Variants in NOL6 observed in about 807,000 individuals in gnomAD.
NOL6 encodes nucleolar protein 6.
NOL6 carries 33 observed loss-of-function variants against 131.7 expected under a neutral mutation model. The observed-to-expected ratio is 0.25, with a 90% confidence interval of 0.19 to 0.33. The LOEUF is 0.33. NOL6 is among the 10% of genes least tolerant of loss of function. The pLI is 1.00. For missense variants in NOL6, 1,297 were observed against 1,494.5 expected, an observed-to-expected ratio of 0.87 and a Z score of 2.18; for synonymous variants, 580 against 605.7, an observed-to-expected ratio of 0.96 and a Z score of 0.62.
intron 3 of NOL6, among the ~76,000 whole-genome samples, chr9:33,471,766 A>T (rs964050088): frequency 2.0e-5 from 3 of 152,258 alleles, no homozygotes; most frequent in Non-Finnish European, 2.9e-5. Flanking sequence ...CTATAACCTC[A>T]GCATTACAGC....
intron 23 of NOL6, among the ~76,000 whole-genome samples, 155 bp downstream of exon 23, chr9:33,463,676 G>A (rs564450913): frequency 6.6e-6 from 1 of 152,292 alleles, no homozygotes; most frequent in East Asian, 1.9e-4. Context: ...AGGTTCCCCA[G>A]GCTCTGCCAC....
Position 33,462,414 on chromosome 9 carries a change from G to A in NOL6, c.*250C>T, listed in dbSNP as rs879866903. On this transcript the variant is annotated 3_prime_UTR_variant, in exon 26 of 26. Coordinates refer to ENST00000297990, the MANE Select transcript of NOL6 (RefSeq NM_022917.5). Reference sequence around the variant, plus strand: ...CTCCTGGGTTCAGTTCCTTCTCTGAGCTGGCTCCCACTCCTCTTCTGGGAT... The same window carrying A: ...CTCCTGGGTTCAGTTCCTTCTCTGAACTGGCTCCCACTCCTCTTCTGGGAT... 1.8e-5 allele frequency: 11 copies of A among 615,248 alleles called. No homozygotes were observed. The highest frequency in any genetic ancestry group is 2.7e-5 in the Admixed American group (1 of 37,096). 38.1% of individuals were successfully genotyped at this position (615,248 alleles called of 1,614,324 possible).
Position 33,469,420 on chromosome 9 carries a change from G to A in NOL6, c.727+79C>T, listed in dbSNP as rs143166607. ...CTCCCCATCCTGTCCCCCCATACTT[G>A]AGGCCTCCGTGCCTCTGTGCCTTCT... On this transcript the variant is annotated intron_variant, in intron 5 of 25. Coordinates refer to ENST00000297990, the MANE Select transcript of NOL6 (RefSeq NM_022917.5). 1,683 of 1,606,398 alleles carry A rather than the reference G, an allele frequency of 1.0e-3. 14 individuals are homozygous for A. The African/African-American group carries it at 0.021, about 20-fold the overall frequency.
intron 23 of NOL6, 45 bp from the exon 24 acceptor site, chr9:33,463,486 A>G (rs1827157407): frequency 1.3e-6 from 2 of 1,541,512 alleles, no homozygotes; most frequent in South Asian, 1.2e-5. Flanking sequence ...CCCTTGACTG[A>G]GGAACTGGAC....
chr9:33,463,036 G>A lies in NOL6; in HGVS notation c.3288C>T (p.Phe1096=). The A allele has an allele frequency of 6.2e-7, 1 of 1,612,698 alleles. No individual in the cohort carries two copies. Among genetic ancestry groups the A allele is most frequent in the Non-Finnish European group, 8.5e-7 (1 of 1,179,140 alleles). ...CAGCTGTCACCAGCCAGCACACCTT[G>A]AAGGGCTGCGGCTGGAAGCTGGTGG... ...WKPTSFQPQP[F]KASSTKGRMV... is the part of the protein sequence containing the mutation. Residue 1096 remains phenylalanine, a synonymous_variant, in exon 25 of 26, where the codon TTC becomes TTT. Transcript: ENST00000297990.
In NOL6 at chr9:33,461,942, CAA is replaced by C. The variant is rs1587211306; in HGVS notation, c.*720_*721del. On this transcript the variant is annotated 3_prime_UTR_variant, in exon 26 of 26. Coordinates refer to ENST00000297990, the MANE Select transcript of NOL6 (RefSeq NM_022917.5). The stretch of plus-strand genomic sequence containing the variant: ...AGTGGCAGTTTGTGACATGAACGGG[CAA>C]ACAGCCAGGGCAGATGCAGCTAACG... The C allele has an allele frequency of 7.3e-6, 4 of 546,642 alleles. No individual in the cohort carries two copies. In the East Asian group the frequency reaches 1.2e-4, roughly 16 times the overall value. 33.9% of individuals were successfully genotyped at this position (546,642 alleles called of 1,614,324 possible).
At position 33,462,524 on chromosome 9, in the gene NOL6, T is replaced by G; in HGVS notation, c.*140A>C. 1 of 966,724 alleles carries G rather than the reference T, an allele frequency of 1.0e-6. No homozygotes were observed. Among genetic ancestry groups the G allele is most frequent in the Non-Finnish European group, 1.5e-6 (1 of 650,478 alleles). The allele number at this position is 966,724 out of a possible 1,614,324, so 59.9% of individuals were successfully genotyped here. On this transcript the variant is annotated 3_prime_UTR_variant, in exon 26 of 26. Transcript: ENST00000297990. ...AGAGAAAGTTGGGGCTGGGTTTTGT[T>G]GGAGATGATTCAGCATGTTCAGCCA...
intron 5 of NOL6, 39 bp from the exon 6 acceptor site, chr9:33,469,380 C>G (rs1827345091): frequency 6.2e-7 from 1 of 1,613,242 alleles, no homozygotes. Context: ...TGCAGGAGCC[C>G]TTGGAGCCAG....
rs1413205765 is a variant in NOL6 at position 33,464,974 on chromosome 9, G to A, written c.2684C>T (p.Ser895Phe). ...GAATCGAAGGAAGCCAACCTGGGGG[G>A]AACTAAAGGGCTGGAGTAAGCAAAG... ...LHPEPFTPPSSPQVGFLRFLF... is the reference protein window; with the variant it reads ...LHPEPFTPPSFPQVGFLRFLF... Residue 895 changes from serine (S) to phenylalanine (F), a missense_variant and splice_region_variant, in exon 21 of 26, where the codon TCC becomes TTC. Transcript: ENST00000297990. 6.2e-7 allele frequency: 1 copy of A among 1,612,134 alleles called. No homozygotes were observed. Among genetic ancestry groups the A allele is most frequent in the South Asian group, 1.1e-5 (1 of 91,024 alleles).
In NOL6 at chr9:33,464,129, G is replaced by A; in HGVS notation, c.2812C>T (p.Leu938=). 6.2e-7 allele frequency: 1 copy of A among 1,612,146 alleles called. No individual in the cohort carries two copies. The highest frequency in any genetic ancestry group is 1.1e-5 in the South Asian group (1 of 90,780). ...ACGGGGAGCTGTGCCCGAGCTGCCA[G>A]GAAGCCACTGCGGATCTCCACCTGC... ...EEQVEIRSGF[L]AARAQLPVMV... The change falls in exon 22 of 26, where the codon CTG becomes TTG. Residue 938 remains leucine, a synonymous_variant. Coordinates refer to ENST00000297990, the MANE Select transcript of NOL6 (RefSeq NM_022917.5).
In NOL6 at chr9:33,467,242, G is replaced by C; in HGVS notation, c.1746C>G (p.Phe582Leu). ...GCCGAAGCTCCGAGCGGGATCCCCA[G>C]AACTGGCGGAATTTAGCAGCCTGAG... ...DQPEAAKFRQ[F>L]WGSRSELRRF... Residue 582 changes from phenylalanine (F) to leucine (L), a missense_variant, in exon 14 of 26, where the codon TTC (phenylalanine) becomes TTG (leucine). Phe to Leu is a conservative substitution (Grantham distance 22). Coordinates refer to ENST00000297990, the MANE Select transcript of NOL6 (RefSeq NM_022917.5). This position sits in a 1 kb window ranked among gnomAD's most constrained non-coding sequence, Gnocchi z 4.4. The C allele has an allele frequency of 6.2e-7, 1 of 1,614,176 alleles. No individual in the cohort carries two copies. The highest frequency in any genetic ancestry group is 8.5e-7 in the Non-Finnish European group (1 of 1,180,014).
chr9:33,468,433 G>A lies in NOL6; in HGVS notation c.1207-11C>T, dbSNP rs1354921556. The A allele has an allele frequency of 1.2e-6, 2 of 1,614,006 alleles. No individual in the cohort carries two copies. Among genetic ancestry groups the A allele is most frequent in the Non-Finnish European group, 1.7e-6 (2 of 1,179,888 alleles). On this transcript the variant is annotated splice_polypyrimidine_tract_variant and intron_variant, in intron 9 of 25. Coordinates refer to ENST00000297990, the MANE Select transcript of NOL6 (RefSeq NM_022917.5). ...GTCAGCCAGGGCCGGCTTGGGGGGT[G>A]TAGAGAGAAGCAGGTCAGGATTGGC... is the stretch of plus-strand genomic sequence containing the variant.
At chr9:33,470,389 T>G in intron 3 of NOL6, 198 bp from the exon 4 acceptor site, 1 of 427,256 alleles carries the variant, frequency 2.3e-6, no homozygotes, top group Non-Finnish European at 4.0e-6. Context: ...AACTTAGCTC[T>G]GTTAAGAATA....
chr9:33,469,692 A>C, intron 4 of NOL6, 25 bp from the exon 5 acceptor site: 1 of 1,597,840 alleles, frequency 6.3e-7, no homozygotes, highest in Non-Finnish European at 8.5e-7. Context: ...GGAGAAGAGA[A>C]GGCCAGGCAC....
intron 1 of NOL6, among the ~76,000 whole-genome samples, chr9:33,473,245 C>A (rs562877732): frequency 2.0e-5 from 3 of 152,324 alleles, no homozygotes; most frequent in African/African-American, 7.2e-5. Context: ...CAAAATAATT[C>A]TTGAAGACAC....
rs189132901 is a variant in NOL6, at chr9:33,462,405, C to T, written c.*259G>A. ...TGGATGGATCTCCTGGGTTCAGTTC[C>T]TTCTCTGAGCTGGCTCCCACTCCTC... On this transcript the variant is annotated 3_prime_UTR_variant, in exon 26 of 26. Transcript: ENST00000297990. 3.2e-6 allele frequency: 2 copies of T among 616,732 alleles called. No individual in the cohort carries two copies. Among genetic ancestry groups the T allele is most frequent in the African/African-American group, 3.7e-5 (2 of 54,554 alleles). 38.2% of individuals were successfully genotyped at this position (616,732 alleles called of 1,614,324 possible).
In NOL6 at chr9:33,472,336, G is replaced by A; in HGVS notation, c.131C>T (p.Pro44Leu). The change falls in exon 2 of 26, where the codon CCT becomes CTT. Residue 44 changes from proline to leucine, a missense_variant. Physicochemically the swap from Pro to Leu is moderately conservative, Grantham distance 98 (BLOSUM62 -3). Coordinates refer to ENST00000297990, the MANE Select transcript of NOL6 (RefSeq NM_022917.5). The stretch of plus-strand genomic sequence containing the variant: ...TGGCTGCAGGAGGCCCTTCGCTGGA[G>A]GTTCAGCCAATGTACGCTTCCTGGA... ...ASSRKRTLAEPPAKGLLQPVK... is the reference protein window; with the variant it reads ...ASSRKRTLAELPAKGLLQPVK... 6.2e-7 allele frequency: 1 copy of A among 1,614,210 alleles called. No individual in the cohort carries two copies. Among genetic ancestry groups the A allele is most frequent in the Non-Finnish European group, 8.5e-7 (1 of 1,180,040 alleles).
In NOL6 at chr9:33,462,328, A is replaced by C. The variant is rs1234129773; in HGVS notation, c.*336T>G. The C allele has an allele frequency of 1.5e-6, 1 of 685,290 alleles. No homozygotes were observed. Among genetic ancestry groups the C allele is most frequent in the Non-Finnish European group, 2.7e-6 (1 of 370,668 alleles). 42.5% of individuals were successfully genotyped at this position (685,290 alleles called of 1,614,324 possible). A position where few individuals can be genotyped will look rare whatever the true frequency, so the allele number is the denominator to read the frequency against. On this transcript the variant is annotated 3_prime_UTR_variant, in exon 26 of 26. Transcript: ENST00000297990. The stretch of plus-strand genomic sequence containing the variant: ...TCCCCTTCTCTGTTTCTGGAAGAAG[A>C]CTAAGAAAGGAGTGGGAAATCGCAG...
Position 33,467,385 on chromosome 9 carries a change from G to T in NOL6, c.1725+9C>A, listed in dbSNP as rs771996570. 8 of 1,613,922 alleles carry T rather than the reference G, an allele frequency of 5.0e-6. No homozygotes were observed. Among genetic ancestry groups the T allele is most frequent in the Middle Eastern group, 3.3e-4 (2 of 6,060 alleles). On this transcript the variant is annotated intron_variant, in intron 13 of 25. Coordinates refer to ENST00000297990, the MANE Select transcript of NOL6 (RefSeq NM_022917.5). This position sits in a 1 kb window ranked among gnomAD's most constrained non-coding sequence, Gnocchi z 4.4. ...CATTCCTTCCAGTGTACATGCTGGGGTCCCCCACCTCAGGCTGGTCTGCCT... is the reference window on the plus strand; with the variant it reads ...CATTCCTTCCAGTGTACATGCTGGGTTCCCCCACCTCAGGCTGGTCTGCCT...
Sources: gnomAD v4.1 joint callset for allele counts (sites outside exome capture counted in the v4.1 genomes callset) on GRCh38, gnomAD v4.1.1 for gene constraint, Gnocchi (gnomAD v3.1) non-coding constraint, MANE v1.5 for transcripts, NCBI Gene and HGNC (gene_info 2026-07-23, HGNC 2026-07-21) for gene names.